Variants in MAP3K7CL observed in about 807,000 individuals in gnomAD.
MAP3K7CL encodes the protein MAP3K7 C-terminal-like protein.
A neutral mutation model predicts 18.6 loss-of-function variants in MAP3K7CL; 16 were observed. That is an observed-to-expected ratio of 0.86 (90% confidence interval 0.58 to 1.31). The LOEUF (loss-of-function observed/expected upper bound fraction) is 1.31, where lower values mean the gene tolerates loss of function less well. Among genes scored for constraint, MAP3K7CL ranks in the 50% most tolerant of loss-of-function variants. The pLI is 0.00. For synonymous variants in MAP3K7CL, 65 were observed against 66.8 expected, an observed-to-expected ratio of 0.97 and a Z score of 0.13; for missense variants, 163 against 174.4, an observed-to-expected ratio of 0.93 and a Z score of 0.37.
At chr21:29,097,164 G>A (rs1363247474) in intron 4 of MAP3K7CL, among the ~76,000 whole-genome samples, 2 of 151,944 alleles carry the variant, frequency 1.3e-5, no homozygotes, top group Non-Finnish European at 2.9e-5. Context: ...GGAAAAGAGG[G>A]ACACATAATA....
At chr21:29,172,244 T>C (rs1225804526) in intron 4 of MAP3K7CL, among the ~76,000 whole-genome samples, 6 of 75,934 alleles carry the variant, frequency 7.9e-5, no homozygotes, top group Non-Finnish European at 2.2e-4. Context: ...TCATTTTCTT[T>C]TTTTTTTTTT....
intron 4 of MAP3K7CL, among the ~76,000 whole-genome samples, chr21:29,106,365 T>A (rs1330782463): frequency 2.6e-5 from 4 of 152,136 alleles, no homozygotes; most frequent in Non-Finnish European, 4.4e-5. Context: ...GTATTTTTAG[T>A]AGAGACAGAA....
intron 2 of MAP3K7CL, among the ~76,000 whole-genome samples, chr21:29,144,849 T>A (rs1356673362): frequency 3.3e-5 from 5 of 152,314 alleles, no homozygotes; most frequent in Admixed American, 6.5e-5. Flanking sequence ...AAAATAATCC[T>A]GAAACCAACC....
chr21:29,092,128 T>C (rs2146502373), intron 3 of MAP3K7CL: 1 of 386,916 alleles, frequency 2.6e-6, no homozygotes, highest in South Asian at 4.8e-5. Context: ...GGTAGAATTC[T>C]AGAAGTGGTA....
At chr21:29,107,630 G>A (rs557053630) in intron 4 of MAP3K7CL, among the ~76,000 whole-genome samples, 2 of 152,260 alleles carry the variant, frequency 1.3e-5, no homozygotes, top group Admixed American at 6.5e-5. Flanking sequence ...ACGTGGGGAT[G>A]TGGTATCTTG....
intron 4 of MAP3K7CL, among the ~76,000 whole-genome samples, chr21:29,108,502 CATT>C (rs1229726672): frequency 6.6e-6 from 1 of 152,168 alleles, no homozygotes; most frequent in East Asian, 1.9e-4. Context: ...CCTCCAGAAA[CATT>C]ATACCAGTTG....
rs937604094 is a variant in MAP3K7CL at position 29,146,618 on chromosome 21, T to C, written c.71-2571T>C. On this transcript the variant is annotated intron_variant, in intron 2 of 4. Transcript: ENST00000399928. ...TGTCCTCTAACCTGCAGCAAGGGGC[T>C]TGGGAAATTTCTCAGTTTTTACTTG... Among the ~76,000 whole-genome samples, 5 of 152,226 alleles carry C rather than the reference T, an allele frequency of 3.3e-5. No homozygotes were observed. The East Asian group carries it at 5.8e-4, about 18-fold the overall frequency.
At chr21:29,162,880 G>C (rs117309563) in intron 4 of MAP3K7CL, among the ~76,000 whole-genome samples, 1 of 149,790 alleles carries the variant, frequency 6.7e-6, no homozygotes, top group Non-Finnish European at 1.5e-5. Flanking sequence ...AAAGGCAGGC[G>C]GATCACCTGA....
At chr21:29,087,819 T>G (rs2085953769) in intron 1 of MAP3K7CL, among the ~76,000 whole-genome samples, 1 of 152,008 alleles carries the variant, frequency 6.6e-6, no homozygotes, top group African/African-American at 2.4e-5. Flanking sequence ...GGTCTCGATC[T>G]CCTGACCTCG....
intron 2 of MAP3K7CL, among the ~76,000 whole-genome samples, chr21:29,144,733 T>C (rs944473369): frequency 2.6e-5 from 4 of 152,256 alleles, no homozygotes; most frequent in African/African-American, 9.6e-5. Context: ...GATTGCTAGC[T>C]ATCATTGCTA....
chr21:29,169,239 C>T (rs1431615312), intron 4 of MAP3K7CL, among the ~76,000 whole-genome samples: 1 of 152,214 alleles, frequency 6.6e-6, no homozygotes, highest in East Asian at 1.9e-4. Flanking sequence ...CTGACTTCCT[C>T]CTGCACGGGT....
chr21:29,175,173 G>C lies in MAP3K7CL; in HGVS notation c.*281G>C, dbSNP rs2123273109. ...TTCTTTTTTAGGAAGATATGATCAT[G>C]CTGTACAACAGGGTAGAAAATGATA... On this transcript the variant is annotated 3_prime_UTR_variant, in exon 5 of 5. Transcript: ENST00000399928. The C allele has an allele frequency of 3.8e-6, 1 of 264,686 alleles. No homozygotes were observed. Among genetic ancestry groups the C allele is most frequent in the African/African-American group, 2.2e-5 (1 of 44,808 alleles). 16.4% of individuals were successfully genotyped at this position (264,686 alleles called of 1,614,324 possible). A position where few individuals can be genotyped will look rare whatever the true frequency, so the allele number is the denominator to read the frequency against.
chr21:29,117,805 G>A (rs548462662), intron 4 of MAP3K7CL, among the ~76,000 whole-genome samples: 64 of 152,204 alleles, frequency 4.2e-4, no homozygotes, highest in Middle Eastern at 6.8e-3. Context: ...GATTTTATTC[G>A]GGTACCAAAT....
chr21:29,096,488 C>G lies in MAP3K7CL; in HGVS notation c.370+3907C>G, dbSNP rs2086124303. The stretch of plus-strand genomic sequence containing the variant: ...ACATCTAAAAGTCAGGTAGGACCTC[C>G]TTAAGACAATGATGTTTAAGCTGAG... On this transcript the variant is annotated intron_variant, in intron 4 of 6. Coordinates refer to the MAP3K7CL transcript ENST00000286791. 2.0e-5 allele frequency among the ~76,000 whole-genome samples: 3 copies of G among 152,280 alleles called. No individual in the cohort carries two copies. In the South Asian group the frequency reaches 6.2e-4, roughly 32 times the overall value.
intron 4 of MAP3K7CL, among the ~76,000 whole-genome samples, chr21:29,172,349 G>A (rs2087860539): frequency 6.7e-6 from 1 of 149,534 alleles, no homozygotes; most frequent in Non-Finnish European, 1.5e-5. Context: ...GATTTGGTCT[G>A]TATGATTAGA....
Position 29,174,921 on chromosome 21 carries a change from G to A in MAP3K7CL, c.*29G>A. On this transcript the variant is annotated 3_prime_UTR_variant, in exon 5 of 5. Transcript: ENST00000399928. ...TAAATTTTTCAGTGTGAGCATACGA[G>A]GCTGATGACTGCCCTGTGCTGGCCA... 4 of 1,605,064 alleles carry A rather than the reference G, an allele frequency of 2.5e-6. No homozygotes were observed. The highest frequency in any genetic ancestry group is 3.4e-6 in the Non-Finnish European group (4 of 1,174,326).
At chr21:29,124,915 T>C (rs1276203631) in intron 4 of MAP3K7CL, among the ~76,000 whole-genome samples, 1 of 152,192 alleles carries the variant, frequency 6.6e-6, no homozygotes, top group East Asian at 1.9e-4. Context: ...AGAAAGTGTA[T>C]GGCCTGAAAA....
chr21:29,098,409 T>C (rs2086161245), intron 4 of MAP3K7CL, among the ~76,000 whole-genome samples: 2 of 152,114 alleles, frequency 1.3e-5, no homozygotes, highest in African/African-American at 4.8e-5. Flanking sequence ...CCCCTCTATT[T>C]CCATTCTTTC....
intron 3 of MAP3K7CL, chr21:29,092,396 T>G: frequency 6.2e-7 from 1 of 1,610,646 alleles, no homozygotes. Flanking sequence ...TGCGGGGTCA[T>G]TTGTCTCATC....
Sources: allele counts gnomAD v4.1 joint callset (sites outside exome capture counted in the v4.1 genomes callset), GRCh38; gene constraint gnomAD v4.1.1; transcripts MANE v1.5; gene names NCBI Gene and HGNC (gene_info 2026-07-23, HGNC 2026-07-21).